Variants in CACNA1C observed in about 807,000 individuals in gnomAD.
CACNA1C encodes the protein voltage-dependent L-type calcium channel subunit alpha-1C.
A neutral mutation model predicts 229.0 loss-of-function variants in CACNA1C; 30 were observed. The ratio of observed to expected loss-of-function variants is 0.13; its 90% CI spans 0.10 to 0.18. The LOEUF (loss-of-function observed/expected upper bound fraction) is 0.18. Ranked by LOEUF, CACNA1C falls within the 10% of genes least tolerant of loss-of-function variation. The pLI is 1.00. For missense variants in CACNA1C, 1,658 were observed against 2,845.0 expected, an observed-to-expected ratio of 0.58 and a Z score of 9.49; for synonymous variants, 1,114 against 1,132.5, an observed-to-expected ratio of 0.98 and a Z score of 0.33.
Position 2,079,043 on chromosome 12 carries a change from G to A in CACNA1C, c.49+25432G>A, listed in dbSNP as rs543355552. On this transcript the variant is annotated intron_variant, in intron 1 of 46. Coordinates refer to ENST00000399655, the MANE Select transcript of CACNA1C (RefSeq NM_000719.7). ...CTATCACAAGGACAAAAAACCAAAC[G>A]CCACATGTTCTCACTTATAGGTGGG... Among the ~76,000 whole-genome samples the A allele has an allele frequency of 2.2e-4, 33 of 147,396 alleles. No homozygotes were observed. In the South Asian group the frequency reaches 5.8e-3, roughly 26 times the overall value.
chr12:2,278,912 A>C (rs529002472), intron 3 of CACNA1C, among the ~76,000 whole-genome samples: 2 of 152,298 alleles, frequency 1.3e-5, no homozygotes, highest in South Asian at 4.1e-4. Flanking sequence ...CAGTATTTTT[A>C]ATTTTAATTT....
At chr12:2,105,247 C>T (rs2077763663) in intron 1 of CACNA1C, among the ~76,000 whole-genome samples, 1 of 152,236 alleles carries the variant, frequency 6.6e-6, no homozygotes, top group Non-Finnish European at 1.5e-5. Context: ...CTTCTCCAGC[C>T]TTCATGTAGT....
intron 30 of CACNA1C, among the ~76,000 whole-genome samples, chr12:2,638,897 A>G (rs11062291): frequency 0.02 from 2,954 of 150,376 alleles, 110 homozygotes; most frequent in African/African-American, 0.07. Flanking sequence ...GTGGACACAC[A>G]GGTCAGAGGC....
intron 3 of CACNA1C, among the ~76,000 whole-genome samples, chr12:2,175,964 CA>C (rs2096633346): frequency 1.3e-5 from 2 of 152,088 alleles, no homozygotes; most frequent in Non-Finnish European, 2.9e-5. Context: ...GTGAACAAAA[CA>C]GATAAAAATC....
At position 2,142,543 on chromosome 12, in the gene CACNA1C, T is replaced by C. The variant is rs541680167; in HGVS notation, c.477+22113T>C. 3.3e-5 allele frequency among the ~76,000 whole-genome samples: 5 copies of C among 151,572 alleles called. No individual in the cohort carries two copies. The East Asian group carries it at 9.6e-4, about 29-fold the overall frequency. ...CCTACTTATTAAAACAAACGTTAAC[T>C]GTAAAACAGCCTCAGGCACGTCCTT... On this transcript the variant is annotated intron_variant, in intron 3 of 46. Transcript: ENST00000399655.
intron 3 of CACNA1C, among the ~76,000 whole-genome samples, chr12:2,351,536 G>GTCCT (rs1297638424): frequency 6.6e-6 from 1 of 152,204 alleles, no homozygotes. Context: ...CCACCCTTCT[G>GTCCT]TCCTTCCTCT....
rs1211910582 is a variant in CACNA1C at position 2,319,189 on chromosome 12, C to T, written c.478-129787C>T. ...GGGTCCCCACATATCACTGCACCCT[C>T]GTGGGCTCCCCTGCCCTGTCCTGGC... On this transcript the variant is annotated intron_variant, in intron 3 of 46. Coordinates refer to ENST00000399655, the MANE Select transcript of CACNA1C (RefSeq NM_000719.7). This position sits in a 1 kb window ranked among gnomAD's most constrained non-coding sequence, Gnocchi z 4.0. 2.6e-5 allele frequency among the ~76,000 whole-genome samples: 4 copies of T among 152,050 alleles called. No homozygotes were observed. The highest frequency in any genetic ancestry group is 5.9e-5 in the Non-Finnish European group (4 of 67,998).
chr12:2,248,549 G>A (rs550901271), intron 3 of CACNA1C, among the ~76,000 whole-genome samples: 2 of 152,208 alleles, frequency 1.3e-5, no homozygotes, highest in African/African-American at 4.8e-5. Flanking sequence ...GACAGGAGTC[G>A]GTGCTGGAGA....
In CACNA1C at chr12:2,537,276, C is replaced by G. The variant is rs542096313; in HGVS notation, c.1391-12667C>G. Among the ~76,000 whole-genome samples the G allele has an allele frequency of 2.6e-5, 4 of 152,316 alleles. No individual in the cohort carries two copies. The East Asian group carries it at 7.7e-4, about 29-fold the overall frequency. ...GGATGGACTTGGCATCAGATCTACC[C>G]GGGTTCAAATCCTGAATCTTATTGG... On this transcript the variant is annotated intron_variant, in intron 9 of 46. Coordinates refer to ENST00000399655, the MANE Select transcript of CACNA1C (RefSeq NM_000719.7).
At chr12:2,656,496 C>CTAT (rs2095429921) in intron 34 of CACNA1C, among the ~76,000 whole-genome samples, 1 of 152,074 alleles carries the variant, frequency 6.6e-6, no homozygotes. Context: ...GTTAAAATGA[C>CTAT]CATACTACCC....
chr12:2,526,764 G>A (rs541561871), intron 9 of CACNA1C, among the ~76,000 whole-genome samples: 6 of 152,324 alleles, frequency 3.9e-5, no homozygotes, highest in African/African-American at 1.4e-4. Flanking sequence ...TCTACATGGC[G>A]CTGCAGAGAG....
chr12:2,601,968 G>A lies in CACNA1C; in HGVS notation c.2960+8G>A, dbSNP rs2072561967. The A allele has an allele frequency of 1.3e-6, 2 of 1,585,306 alleles. No homozygotes were observed. Among genetic ancestry groups the A allele is most frequent in the Admixed American group, 1.7e-5 (1 of 59,990 alleles). ...CATCTCCTTTGGCATCCAGTGAGTG[G>A]GAGCCCCTCAGCCCACGATGGGCCA... On this transcript the variant is annotated splice_region_variant and intron_variant, in intron 22 of 46. Transcript: ENST00000399655. This position sits in a 1 kb window ranked among gnomAD's most constrained non-coding sequence, Gnocchi z 5.9.
rs1474096234 is a variant in CACNA1C, at chr12:2,527,682, G to A, written c.1390+14698G>A. 3.9e-5 allele frequency among the ~76,000 whole-genome samples: 6 copies of A among 152,304 alleles called. No individual in the cohort carries two copies. In the East Asian group the frequency reaches 5.8e-4, roughly 15 times the overall value. On this transcript the variant is annotated intron_variant, in intron 9 of 46. Transcript: ENST00000399655. ...AGTCTCAATGAATTTACTAATATTC[G>A]CTAAGGTCAGCTGGGTCCAGCTTTG...
At chr12:2,104,862 G>C (rs2077601101) in intron 1 of CACNA1C, among the ~76,000 whole-genome samples, 1 of 152,198 alleles carries the variant, frequency 6.6e-6, no homozygotes, top group Admixed American at 6.5e-5. Flanking sequence ...AATAAGTGGA[G>C]GAAGCATTTG....
At chr12:2,160,356 T>C (rs2095793294) in intron 3 of CACNA1C, among the ~76,000 whole-genome samples, 1 of 152,214 alleles carries the variant, frequency 6.6e-6, no homozygotes, top group Non-Finnish European at 1.5e-5. Flanking sequence ...TGACATGTAC[T>C]CACTTTCTCT....
Position 2,029,240 on chromosome 12 carries a change from G to A in CACNA1C, c.139+58039G>A, listed in dbSNP as rs1468515639. On this transcript the variant is annotated intron_variant, in intron 1 of 46. Transcript: ENST00000682462. The surrounding 1 kb of genome is among the most constrained non-coding windows in gnomAD (Gnocchi z 4.9). The stretch of plus-strand genomic sequence containing the variant: ...ATCGGAAAGCCAGTTGTCATTCGTG[G>A]GGCCAATATGTTGATGCTGCATTTA... Among the ~76,000 whole-genome samples the A allele has an allele frequency of 6.6e-6, 1 of 152,124 alleles. No individual in the cohort carries two copies. Among genetic ancestry groups the A allele is most frequent in the East Asian group, 1.9e-4 (1 of 5,202 alleles).
intron 3 of CACNA1C, among the ~76,000 whole-genome samples, chr12:2,260,928 AT>A (rs1256110910): frequency 1.3e-5 from 2 of 152,140 alleles, no homozygotes; most frequent in African/African-American, 4.8e-5. Context: ...AATCAACTTA[AT>A]TCATTAAAAA....
At chr12:2,685,968 G>A in intron 44 of CACNA1C, 126 bp downstream of exon 44, 1 of 808,412 alleles carries the variant, frequency 1.2e-6, no homozygotes, top group Non-Finnish European at 2.1e-6. Flanking sequence ...CATTTCCAAA[G>A]CAAGGAGACA....
chr12:2,490,728 G>T (rs1262540938), intron 6 of CACNA1C, among the ~76,000 whole-genome samples: 1 of 152,144 alleles, frequency 6.6e-6, no homozygotes, highest in Non-Finnish European at 1.5e-5. Context: ...AATCTCTAAA[G>T]ATTTCACATT....
Sources: gnomAD v4.1 joint callset for allele counts (sites outside exome capture counted in the v4.1 genomes callset) on GRCh38, gnomAD v4.1.1 for gene constraint, Gnocchi (gnomAD v3.1) non-coding constraint, MANE v1.5 for transcripts, NCBI Gene and HGNC (gene_info 2026-07-23, HGNC 2026-07-21) for gene names.